Variants in ZBTB41 observed in about 807,000 individuals in gnomAD.
The protein encoded by ZBTB41 is zinc finger and BTB domain containing 41, also known as zinc finger and BTB domain-containing protein 41.
ZBTB41 carries 42 observed loss-of-function variants against 87.6 expected under a neutral mutation model. The observed-to-expected ratio is 0.48, with a 90% CI of 0.37 to 0.62. The LOEUF is 0.62. ZBTB41 is among the 20% of genes least tolerant of loss of function. ZBTB41 has a pLI of 0.00. For synonymous variants in ZBTB41, 364 were observed against 364.0 expected, an observed-to-expected ratio of 1.00 and a Z score of 0.00; for missense variants, 799 against 1,078.9, an observed-to-expected ratio of 0.74 and a Z score of 3.63.
chr1:197,191,296 CA>C (rs1010034481), intron 3 of ZBTB41, among the ~76,000 whole-genome samples: 2 of 151,340 alleles, frequency 1.3e-5, no homozygotes, highest in Non-Finnish European at 2.9e-5. Context: ...CCAGTCTCTA[CA>C]AAAAATACAA....
chr1:197,181,059 A>G lies in ZBTB41; in HGVS notation c.1605T>C (p.Arg535=), dbSNP rs1557982035. 6.2e-7 allele frequency: 1 copy of G among 1,606,578 alleles called. No homozygotes were observed. Among genetic ancestry groups the G allele is most frequent in the East Asian group, 2.2e-5 (1 of 44,658 alleles). ...TTCCACCATGAGTACATTCTATATG[A>G]CGTTTCAAATTTCCAGTGTCGTTAA... ...RQFNDTGNLK[R]HIECTHGGKR... The change falls in exon 6 of 11, where the codon CGT becomes CGC. Residue 535 remains arginine, a synonymous_variant. Coordinates refer to ENST00000367405, the MANE Select transcript of ZBTB41 (RefSeq NM_194314.3).
chr1:197,183,190 G>A (rs1659798838), intron 5 of ZBTB41, among the ~76,000 whole-genome samples: 1 of 152,062 alleles, frequency 6.6e-6, no homozygotes, highest in Non-Finnish European at 1.5e-5. Flanking sequence ...TTTCTCAAAG[G>A]TCTTGGAAAG....
chr1:197,190,714 G>A (rs767509834), intron 4 of ZBTB41, 48 bp downstream of exon 4: 6 of 1,188,566 alleles, frequency 5.0e-6, no homozygotes, highest in Admixed American at 1.9e-5. Context: ...CCCAAAAGAC[G>A]TTGCATTTAC....
At chr1:197,169,211 G>A (rs1218153390) in intron 10 of ZBTB41, among the ~76,000 whole-genome samples, 1 of 151,908 alleles carries the variant, frequency 6.6e-6, no homozygotes, top group Non-Finnish European at 1.5e-5. Flanking sequence ...TATGAGCCAG[G>A]AATCCTAGGG....
chr1:197,164,978 T>G (rs7411291), intron 10 of ZBTB41, among the ~76,000 whole-genome samples: 12,047 of 86,132 alleles, frequency 0.14, 1,658 homozygotes, highest in Middle Eastern at 0.23. Flanking sequence ...ATATATATTA[T>G]ATATAATAAT....
intron 10 of ZBTB41, among the ~76,000 whole-genome samples, chr1:197,165,309 A>C (rs1241744275): frequency 6.6e-6 from 1 of 152,048 alleles, no homozygotes; most frequent in Non-Finnish European, 1.5e-5. Flanking sequence ...GGAAATATGA[A>C]ATTAAAAATG....
intron 10 of ZBTB41, among the ~76,000 whole-genome samples, chr1:197,171,062 T>C (rs1042337324): frequency 2.0e-5 from 3 of 152,126 alleles, no homozygotes; most frequent in Non-Finnish European, 4.4e-5. Flanking sequence ...TTTTTAAAAA[T>C]TTTGATGCAA....
intron 1 of ZBTB41, 62 bp from the exon 2 acceptor site, chr1:197,200,652 C>G: frequency 2.1e-6 from 1 of 477,664 alleles, no homozygotes; most frequent in Non-Finnish European, 3.6e-6. Context: ...AATCAGCCAA[C>G]GGCAATCATC....
At position 197,188,326 on chromosome 1, in the gene ZBTB41, A is replaced by G; in HGVS notation, c.1512T>C (p.Phe504=). Residue 504 remains phenylalanine (F), a synonymous_variant, in exon 5 of 11, where the codon TTT becomes TTC. Transcript: ENST00000367405. ...TYCEEHFKSR[F]ARLKHQEKFH... is the part of the protein sequence containing the mutation. ...ACTTTTCTTGATGCTTTAACCGAGC[A>G]AACCGTGATTTAAAATGTTCTTCAC... is the stretch of plus-strand genomic sequence containing the variant. 1 of 1,613,682 alleles carries G rather than the reference A, an allele frequency of 6.2e-7. No individual in the cohort carries two copies.
At chr1:197,196,259 T>C (rs1371303979) in intron 2 of ZBTB41, among the ~76,000 whole-genome samples, 1 of 152,168 alleles carries the variant, frequency 6.6e-6, no homozygotes, top group Non-Finnish European at 1.5e-5. Context: ...CGAACTCCTG[T>C]GTTGTTATTT....
At chr1:197,183,482 C>T (rs1659807402) in intron 5 of ZBTB41, among the ~76,000 whole-genome samples, 1 of 152,132 alleles carries the variant, frequency 6.6e-6, no homozygotes, top group Admixed American at 6.6e-5. Flanking sequence ...ACTTTTTCTT[C>T]TAGTAAATGT....
At position 197,159,263 on chromosome 1, in the gene ZBTB41, A is replaced by T; in HGVS notation, c.*96T>A. 2 of 1,243,586 alleles carry T rather than the reference A, an allele frequency of 1.6e-6. No individual in the cohort carries two copies. Among genetic ancestry groups the T allele is most frequent in the Non-Finnish European group, 2.3e-6 (2 of 886,110 alleles). 77.0% of individuals were successfully genotyped at this position (1,243,586 alleles called of 1,614,324 possible). A position where few individuals can be genotyped will look rare whatever the true frequency, so the allele number is the denominator to read the frequency against. Reference sequence around the variant, plus strand: ...CTGTTCTGAGGACTTGAGAAACTAGAGAAAACAAGAAAATAGCAGCCCCAC... The same window carrying T: ...CTGTTCTGAGGACTTGAGAAACTAGTGAAAACAAGAAAATAGCAGCCCCAC... On this transcript the variant is annotated 3_prime_UTR_variant, in exon 11 of 11. Coordinates refer to ENST00000367405, the MANE Select transcript of ZBTB41 (RefSeq NM_194314.3).
chr1:197,191,938 T>G, intron 2 of ZBTB41, 39 bp from the exon 3 acceptor site: 8 of 1,456,010 alleles, frequency 5.5e-6, no homozygotes, highest in South Asian at 1.3e-5. Flanking sequence ...TTTAGTACAT[T>G]TGCTATACTG....
Position 197,190,797 on chromosome 1 carries a change from T to C in ZBTB41, c.1363A>G (p.Ile455Val). ...CAACTTTCACTCTTAGTCTTCTTAATGGAAATAAATTCTTGTGCATTTTCA... is the reference window on the plus strand; with the variant it reads ...CAACTTTCACTCTTAGTCTTCTTAACGGAAATAAATTCTTGTGCATTTTCA... ...HPENAQEFISIKKTKSESWKC... is the reference protein window; with the variant it reads ...HPENAQEFISVKKTKSESWKC... Residue 455 changes from isoleucine to valine, a missense_variant, in exon 4 of 11, where the codon ATT becomes GTT. Physicochemically the swap from Ile to Val is conservative, Grantham distance 29. This residue lies in a region of ZBTB41 where 294 missense variants were observed against 340.1 expected (regional missense o/e 0.86). Transcript: ENST00000367405. 1 of 1,592,252 alleles carries C rather than the reference T, an allele frequency of 6.3e-7. No homozygotes were observed. The highest frequency in any genetic ancestry group is 1.7e-4 in the Middle Eastern group (1 of 6,004).
At position 197,181,045 on chromosome 1, in the gene ZBTB41, G is replaced by A; in HGVS notation, c.1619C>T (p.Thr540Ile). The A allele has an allele frequency of 6.2e-7, 1 of 1,606,422 alleles. No homozygotes were observed. Among genetic ancestry groups the A allele is most frequent in the Non-Finnish European group, 8.5e-7 (1 of 1,178,126 alleles). The change falls in exon 6 of 11, where the codon ACT (threonine) becomes ATT (isoleucine). Residue 540 changes from threonine (T) to isoleucine (I), a missense_variant. Thr to Ile is a moderately conservative substitution (Grantham distance 89). This residue lies in a region of ZBTB41 where 198 missense variants were observed against 358.4 expected (regional missense o/e 0.55). Coordinates refer to ENST00000367405, the MANE Select transcript of ZBTB41 (RefSeq NM_194314.3). ...AGTCCATTTTCTCTTTCCACCATGA[G>A]TACATTCTATATGACGTTTCAAATT... ...TGNLKRHIEC[T>I]HGGKRKWTCF...
chr1:197,160,998 C>A (rs1659188022), intron 10 of ZBTB41, among the ~76,000 whole-genome samples: 1 of 152,086 alleles, frequency 6.6e-6, no homozygotes, highest in African/African-American at 2.4e-5. Context: ...GAAAGGCTCT[C>A]AGTTTACAAT....
At chr1:197,164,789 A>T (rs796160104) in intron 10 of ZBTB41, among the ~76,000 whole-genome samples, 77 of 51,058 alleles carry the variant, frequency 1.5e-3, no homozygotes, top group African/African-American at 4.7e-3. Flanking sequence ...ATTATATATA[A>T]TACATATATA....
At position 197,198,394 on chromosome 1, in the gene ZBTB41, C is replaced by T. The variant is rs550963135; in HGVS notation, c.1120+960G>A. Among the ~76,000 whole-genome samples the T allele has an allele frequency of 4.6e-5, 7 of 152,182 alleles. No individual in the cohort carries two copies. The South Asian group carries it at 8.3e-4, about 18-fold the overall frequency. ...ACCAATTCCTTAAAAAACCAATTTC[C>T]GCCTATATCAATAACATAAGTAAGT... On this transcript the variant is annotated intron_variant, in intron 2 of 10. Coordinates refer to ENST00000367405, the MANE Select transcript of ZBTB41 (RefSeq NM_194314.3).
chr1:197,166,682 T>TAA (rs35752770), intron 10 of ZBTB41, among the ~76,000 whole-genome samples: 1 of 145,238 alleles, frequency 6.9e-6, no homozygotes. Flanking sequence ...CATCTCTACT[T>TAA]AAAAAAAAAA....
Sources: allele counts gnomAD v4.1 joint callset (sites outside exome capture counted in the v4.1 genomes callset), GRCh38; gene constraint gnomAD v4.1.1; regional missense constraint gnomAD v4.1.1; transcripts MANE v1.5; gene names NCBI Gene and HGNC (gene_info 2026-07-23, HGNC 2026-07-21).